The following SRPK2 variants were observed in gnomAD, a reference collection of about 807,000 sequenced individuals.
SRPK2 encodes the protein SFRS protein kinase 2.
A neutral mutation model predicts 90.8 loss-of-function variants in SRPK2; 21 were observed. The observed-to-expected ratio is 0.23, with a 90% CI of 0.16 to 0.33. The LOEUF is 0.33. SRPK2 is among the 10% of genes least tolerant of loss of function. The pLI, the probability that SRPK2 is intolerant of heterozygous loss-of-function variation, is 1.00. For synonymous variants in SRPK2, 288 were observed against 311.1 expected (o/e 0.93, Z 0.78); for missense variants, 620 against 869.0 (o/e 0.71, Z 3.60).
intron 2 of SRPK2, among the ~76,000 whole-genome samples, chr7:105,313,946 C>T (rs933082339): frequency 3.3e-5 from 5 of 152,108 alleles, no homozygotes; most frequent in Non-Finnish European, 5.9e-5. Context: ...CAAAGTCGCA[C>T]CTCATTTATA....
intron 7 of SRPK2, among the ~76,000 whole-genome samples, chr7:105,153,669 G>A (rs1398676013): frequency 6.6e-5 from 10 of 152,038 alleles, no homozygotes; most frequent in Admixed American, 2.6e-4. Flanking sequence ...GGTGATAAGC[G>A]GTGGACTTTC....
At chr7:105,378,879 G>A (rs1343653153) in intron 2 of SRPK2, among the ~76,000 whole-genome samples, 3 of 152,052 alleles carry the variant, frequency 2.0e-5, no homozygotes, top group Admixed American at 6.6e-5. Context: ...ACACTGCCAA[G>A]TGTGGGCAAA....
intron 2 of SRPK2, among the ~76,000 whole-genome samples, chr7:105,219,128 T>C (rs1797802649): frequency 6.6e-6 from 1 of 152,090 alleles, no homozygotes; most frequent in African/African-American, 2.4e-5. Flanking sequence ...CATAGCTTCG[T>C]TGGATGGAGT....
chr7:105,126,815 C>T (rs1415290394), intron 14 of SRPK2, among the ~76,000 whole-genome samples, 178 bp downstream of exon 14: 1 of 152,230 alleles, frequency 6.6e-6, no homozygotes, highest in Non-Finnish European at 1.5e-5. Flanking sequence ...CTGTGCTAGG[C>T]AGGCTCTGCC....
chr7:105,125,129 C>CAAAAAAA (rs61616576), intron 15 of SRPK2, among the ~76,000 whole-genome samples: 3 of 88,088 alleles, frequency 3.4e-5, no homozygotes, highest in African/African-American at 4.9e-5. Flanking sequence ...GACTCCATCT[C>CAAAAAAA]AAAAAAAAAA....
At chr7:105,213,691 C>A (rs985842915) in intron 2 of SRPK2, among the ~76,000 whole-genome samples, 3 of 152,184 alleles carry the variant, frequency 2.0e-5, no homozygotes, top group Non-Finnish European at 2.9e-5. Context: ...AAGACCCATA[C>A]GCTCTTCTAT....
chr7:105,166,729 A>C (rs566748912), intron 6 of SRPK2, among the ~76,000 whole-genome samples: 4 of 152,330 alleles, frequency 2.6e-5, no homozygotes, highest in Admixed American at 1.3e-4. Flanking sequence ...AAAATGCATC[A>C]TTTTACTTTT....
intron 1 of SRPK2, among the ~76,000 whole-genome samples, chr7:105,396,038 T>C (rs1195800848): frequency 3.9e-5 from 6 of 151,950 alleles, no homozygotes; most frequent in Admixed American, 3.3e-4. Flanking sequence ...GCCTCAGCAT[T>C]CCAAGTAGCT....
intron 2 of SRPK2, among the ~76,000 whole-genome samples, chr7:105,315,422 A>G (rs1215193700): frequency 6.6e-6 from 1 of 152,210 alleles, no homozygotes; most frequent in Non-Finnish European, 1.5e-5. Flanking sequence ...GCTGAACTAG[A>G]TAAGTGGTTT....
intron 7 of SRPK2, among the ~76,000 whole-genome samples, chr7:105,150,213 A>G (rs1805434425): frequency 6.6e-6 from 1 of 152,256 alleles, no homozygotes; most frequent in South Asian, 2.1e-4. Context: ...CAATTAGGAT[A>G]TGTTTAAATT....
intron 3 of SRPK2, among the ~76,000 whole-genome samples, chr7:105,176,713 G>A (rs1563037880): frequency 9.1e-6 from 1 of 109,636 alleles, no homozygotes; most frequent in East Asian, 2.5e-4. Flanking sequence ...ATGTGTATGT[G>A]TGTGTGTGTG....
chr7:105,396,243 G>T (rs10267633), intron 1 of SRPK2, among the ~76,000 whole-genome samples: 28,669 of 151,860 alleles, frequency 0.19, 3,469 homozygotes, highest in East Asian at 0.58. Context: ...TGGTAAGTGG[G>T]GCACAGAGGT....
At chr7:105,170,899 GAAAGAAAGAAAGA>G (rs1790889146) in intron 3 of SRPK2, among the ~76,000 whole-genome samples, 3 of 73,320 alleles carry the variant, frequency 4.1e-5, no homozygotes, top group African/African-American at 9.2e-5. Flanking sequence ...AAGAAAGAAA[GAAAGAAAGAAAGA>G]AAGGAGAAAG....
chr7:105,232,969 GAGAT>G (rs1360251165), intron 2 of SRPK2, among the ~76,000 whole-genome samples: 1 of 151,910 alleles, frequency 6.6e-6, no homozygotes, highest in Admixed American at 6.6e-5. Flanking sequence ...GTGGTGAGCT[GAGAT>G]AACGCCACTG....
chr7:105,203,765 G>A lies in SRPK2; in HGVS notation c.92C>T (p.Ala31Val). ...HPKKPEPQQKAPLVPPPPPPP... is the reference protein window; with the variant it reads ...HPKKPEPQQKVPLVPPPPPPP... ...CGGTGGAGGAGGAGGAACTAAAGGA[G>A]CTTTCTGTTGAGGCTCCGGCCTGAA... is the stretch of plus-strand genomic sequence containing the variant. Residue 31 changes from alanine to valine, a missense_variant, in exon 3 of 16, where the codon GCT becomes GTT. Transcript: ENST00000393651. The A allele has an allele frequency of 6.3e-7, 1 of 1,596,300 alleles. No individual in the cohort carries two copies. Among genetic ancestry groups the A allele is most frequent in the Non-Finnish European group, 8.5e-7 (1 of 1,171,006 alleles).
intron 2 of SRPK2, among the ~76,000 whole-genome samples, chr7:105,239,240 T>TA (rs1800506957): frequency 6.6e-6 from 1 of 152,178 alleles, no homozygotes. Context: ...AGGGCAACAA[T>TA]AAAATAAACC....
At chr7:105,231,705 G>A (rs1353245601) in intron 2 of SRPK2, among the ~76,000 whole-genome samples, 1 of 152,156 alleles carries the variant, frequency 6.6e-6, no homozygotes, top group Non-Finnish European at 1.5e-5. Flanking sequence ...TTGGCCCCAT[G>A]TATGTCTTCT....
intron 2 of SRPK2, among the ~76,000 whole-genome samples, chr7:105,239,672 G>GTTAAA (rs1173938174): frequency 6.6e-6 from 1 of 152,166 alleles, no homozygotes; most frequent in East Asian, 1.9e-4. Context: ...TGGTTAGACG[G>GTTAAA]AGTCTGACTT....
At chr7:105,169,991 T>A (rs1790600468) in intron 3 of SRPK2, among the ~76,000 whole-genome samples, 1 of 152,034 alleles carries the variant, frequency 6.6e-6, no homozygotes, top group Admixed American at 6.6e-5. Context: ...AATTTTTGTA[T>A]TTTTTGTAGG....
Sources: gnomAD v4.1 joint callset for allele counts (sites outside exome capture counted in the v4.1 genomes callset) on GRCh38, gnomAD v4.1.1 for gene constraint, MANE v1.5 for transcripts, NCBI Gene and HGNC (gene_info 2026-07-23, HGNC 2026-07-21) for gene names.